GPC6: variants seen among roughly 807,000 people sequenced by gnomAD.
GPC6 encodes glypican 6, also known as glypican-6.
GPC6 carries 14 observed loss-of-function variants against 55.2 expected under a neutral mutation model. The observed-to-expected ratio is 0.25, with a 90% CI of 0.17 to 0.40. The LOEUF (loss-of-function observed/expected upper bound fraction) is 0.40. Ranked by LOEUF, GPC6 falls within the 10% of genes least tolerant of loss-of-function variation. GPC6 has a pLI of 1.00. For synonymous variants in GPC6, 278 were observed against 259.6 expected, an observed-to-expected ratio of 1.07 and a Z score of -0.68; for missense variants, 641 against 708.5, an observed-to-expected ratio of 0.90 and a Z score of 1.08.
intron 6 of GPC6, among the ~76,000 whole-genome samples, chr13:94,381,373 G>GAGGAA (rs1880148946): frequency 6.6e-6 from 1 of 152,180 alleles, no homozygotes; most frequent in Admixed American, 6.5e-5. Context: ...TGAGGGCTAG[G>GAGGAA]AGGAAAGGAT....
chr13:93,793,300 G>A (rs945059742), intron 2 of GPC6, among the ~76,000 whole-genome samples: 3 of 152,074 alleles, frequency 2.0e-5, no homozygotes, highest in Admixed American at 6.5e-5. Context: ...ACTGAAATCC[G>A]GTTTTCCACT....
intron 3 of GPC6, among the ~76,000 whole-genome samples, chr13:93,898,160 C>CATAT (rs771443783): frequency 6.6e-6 from 1 of 152,062 alleles, no homozygotes; most frequent in Non-Finnish European, 1.5e-5. Flanking sequence ...CTTATTGGAT[C>CATAT]ATATGGTCAT....
chr13:94,161,761 A>G (rs569520204), intron 4 of GPC6, among the ~76,000 whole-genome samples: 4 of 152,330 alleles, frequency 2.6e-5, no homozygotes, highest in African/African-American at 7.2e-5. Context: ...ACTGGCTTTC[A>G]TAATTGTATT....
At chr13:93,491,740 T>G (rs9524093) in intron 1 of GPC6, among the ~76,000 whole-genome samples, 79,279 of 104,518 alleles carry the variant, frequency 0.76, 30,903 homozygotes, top group East Asian at 0.99. Flanking sequence ...TCTACATATG[T>G]CTAGCCAGTT....
chr13:93,236,387 C>T (rs971650848), intron 1 of GPC6, among the ~76,000 whole-genome samples: 13 of 152,028 alleles, frequency 8.6e-5, no homozygotes, highest in Admixed American at 7.2e-4. Flanking sequence ...CCTCTTCCCA[C>T]CCTCCCTACT....
At chr13:94,240,079 G>C (rs997996163) in intron 4 of GPC6, among the ~76,000 whole-genome samples, 7 of 152,108 alleles carry the variant, frequency 4.6e-5, no homozygotes, top group African/African-American at 1.2e-4. Flanking sequence ...TAATAGCAGA[G>C]AGGCATATTT....
chr13:93,368,378 TTCCTTCCTTCCG>T lies in GPC6; in HGVS notation c.160+140774_160+140785del, dbSNP rs1162882832. 1.8e-3 allele frequency among the ~76,000 whole-genome samples: 199 copies of T among 110,352 alleles called. 3 individuals are homozygous for T. In the Middle Eastern group the frequency reaches 0.018, roughly 10 times the overall value. 72.4% of individuals were successfully genotyped at this position (110,352 alleles called of 152,430 possible). ...CTTCCTTCCTTCCTTCCTTCCTTCCTTCCTTCCTTCCGTCCTTCCTTCCTTCCTTCCTTCCTT... is the reference window on the plus strand; with the variant it reads ...CTTCCTTCCTTCCTTCCTTCCTTCCTTCCTTCCTTCCTTCCTTCCTTCCTT... On this transcript the variant is annotated intron_variant, in intron 1 of 8. Transcript: ENST00000377047.
intron 1 of GPC6, among the ~76,000 whole-genome samples, chr13:93,317,397 C>CTAATACAAATACA (rs1879283165): frequency 6.6e-6 from 1 of 152,088 alleles, no homozygotes; most frequent in South Asian, 2.1e-4. Flanking sequence ...TAGTTGGAGA[C>CTAATACAAATACA]CTCCCATGCT....
intron 2 of GPC6, among the ~76,000 whole-genome samples, chr13:93,677,684 G>T (rs567885047): frequency 6.6e-6 from 1 of 152,162 alleles, no homozygotes; most frequent in South Asian, 2.1e-4. Context: ...TTAATAAACT[G>T]TCTGTCATTA....
intron 1 of GPC6, among the ~76,000 whole-genome samples, chr13:93,301,246 G>C (rs376307182): frequency 2.0e-5 from 3 of 152,142 alleles, no homozygotes; most frequent in East Asian, 1.9e-4. Flanking sequence ...CTGAAATCTC[G>C]TGCTTCCTGC....
chr13:93,251,259 G>T (rs1876777384), intron 1 of GPC6, among the ~76,000 whole-genome samples: 2 of 152,106 alleles, frequency 1.3e-5, no homozygotes, highest in Admixed American at 6.6e-5. Context: ...GGATGGGTTT[G>T]CTATCTCTTT....
intron 2 of GPC6, among the ~76,000 whole-genome samples, chr13:93,779,348 A>G (rs1885568366): frequency 6.6e-6 from 1 of 152,230 alleles, no homozygotes; most frequent in South Asian, 2.1e-4. Flanking sequence ...AACATACTTG[A>G]TGACAATCTA....
chr13:93,952,422 G>T (rs1461100136), intron 3 of GPC6, among the ~76,000 whole-genome samples: 1 of 152,030 alleles, frequency 6.6e-6, no homozygotes, highest in Non-Finnish European at 1.5e-5. Context: ...TGTGAAAAAT[G>T]TATATAACTT....
intron 2 of GPC6, among the ~76,000 whole-genome samples, chr13:93,829,364 T>G (rs1245085404): frequency 6.6e-6 from 1 of 152,192 alleles, no homozygotes; most frequent in Non-Finnish European, 1.5e-5. Flanking sequence ...CTTATTTTTT[T>G]GCATCCTATA....
chr13:93,943,796 CTTTT>C (rs1878853919), intron 3 of GPC6, among the ~76,000 whole-genome samples: 1 of 152,168 alleles, frequency 6.6e-6, no homozygotes, highest in Non-Finnish European at 1.5e-5. Context: ...GGCACTCACT[CTTTT>C]TAAGGGTGAT....
chr13:94,398,440 G>A, intron 7 of GPC6, 26 bp from the exon 8 acceptor site: 2 of 1,566,426 alleles, frequency 1.3e-6, no homozygotes, highest in Non-Finnish European at 1.8e-6. Flanking sequence ...TCTCCCTGAG[G>A]TGTTCTCTCA....
chr13:94,326,583 G>A (rs929693366), intron 6 of GPC6, among the ~76,000 whole-genome samples: 4 of 152,060 alleles, frequency 2.6e-5, no homozygotes, highest in Non-Finnish European at 4.4e-5. Flanking sequence ...CTGCCCCCAC[G>A]TAAATACAGC....
chr13:93,611,951 G>A (rs1208684224), intron 2 of GPC6, among the ~76,000 whole-genome samples: 1 of 152,236 alleles, frequency 6.6e-6, no homozygotes, highest in East Asian at 1.9e-4. Context: ...TAAACTCACA[G>A]TCATTGTCTT....
At chr13:93,971,940 A>G (rs1880299595) in intron 3 of GPC6, among the ~76,000 whole-genome samples, 1 of 152,188 alleles carries the variant, frequency 6.6e-6, no homozygotes, top group Non-Finnish European at 1.5e-5. Context: ...GCTGGGCAGG[A>G]GGAGTATCCA....
Sources: allele counts gnomAD v4.1 joint callset (sites outside exome capture counted in the v4.1 genomes callset), GRCh38; gene constraint gnomAD v4.1.1; transcripts MANE v1.5; gene names NCBI Gene and HGNC (gene_info 2026-07-23, HGNC 2026-07-21).